Variants in KAT2A observed in about 807,000 individuals in gnomAD.
The protein encoded by KAT2A is histone acetyltransferase KAT2A.
KAT2A carries 42 observed loss-of-function variants against 95.2 expected under a neutral mutation model. The ratio of observed to expected loss-of-function variants is 0.44; its 90% confidence interval spans 0.34 to 0.57. KAT2A has a LOEUF of 0.57. Among genes scored for constraint, KAT2A ranks in the 20% least tolerant of loss-of-function variants. The pLI, the probability that KAT2A is intolerant of heterozygous loss-of-function variation, is 0.01. For missense variants in KAT2A, 784 were observed against 1,126.3 expected, an observed-to-expected ratio of 0.70 and a Z score of 4.35; for synonymous variants, 449 against 448.2, an observed-to-expected ratio of 1.00 and a Z score of -0.02.
chr17:42,116,906 G>T, intron 11 of KAT2A, 129 bp downstream of exon 11: 1 of 1,134,196 alleles, frequency 8.8e-7, no homozygotes, highest in Non-Finnish European at 1.3e-6. Flanking sequence ...TTGTGGGGAT[G>T]TGAGGAACGG....
intron 12 of KAT2A, among the ~76,000 whole-genome samples, 166 bp from the exon 13 acceptor site, chr17:42,115,201 C>T (rs1429812630): frequency 6.6e-6 from 1 of 152,106 alleles, no homozygotes; most frequent in African/African-American, 2.4e-5. Flanking sequence ...GGAAAGGTCC[C>T]AGGTCAGCTG....
At position 42,117,576 on chromosome 17, in the gene KAT2A, A is replaced by G. The variant is rs1190817219; in HGVS notation, c.1449T>C (p.Asn483=). The part of the protein sequence containing the change: ...LGPETSLLSA[N]AARDETARLE... ...GGCGGGCTGTCTCATCCCGGGCCGC[A>G]TTGGCCGAAAGCAGGCTCGTCTGGG... Residue 483 remains asparagine, a synonymous_variant, in exon 10 of 18, where the codon AAT becomes AAC. Coordinates refer to ENST00000225916, the MANE Select transcript of KAT2A (RefSeq NM_021078.3). This position sits in a 1 kb window ranked among gnomAD's most constrained non-coding sequence, Gnocchi z 8.9. 3.8e-5 allele frequency: 61 copies of G among 1,612,842 alleles called. No individual in the cohort carries two copies. Among genetic ancestry groups the G allele is most frequent in the African/African-American group, 5.3e-5 (4 of 74,900 alleles).
rs144813806 is a variant in KAT2A, at chr17:42,114,964, C to T, written c.1947G>A (p.Thr649=). 4.4e-4 allele frequency: 714 copies of T among 1,613,972 alleles called. 2 individuals are homozygous for T. In the African/African-American group the frequency reaches 7.6e-3, roughly 17 times the overall value. Residue 649 remains threonine, a synonymous_variant, in exon 13 of 18, where the codon ACG becomes ACA. Transcript: ENST00000225916. This position sits in a 1 kb window ranked among gnomAD's most constrained non-coding sequence, Gnocchi z 6.0. ...GGGGATTCAGCTCACACTCCATCAGCGTCGCTCCCTCGTAGTCCTTGATGT... is the reference window on the plus strand; with the variant it reads ...GGGGATTCAGCTCACACTCCATCAGTGTCGCTCCCTCGTAGTCCTTGATGT... ...LGYIKDYEGA[T]LMECELNPRI...
rs2054318273 is a variant in KAT2A, at chr17:42,120,347, T to C, written c.487A>G (p.Asn163Asp). 1 of 1,614,122 alleles carries C rather than the reference T, an allele frequency of 6.2e-7. No individual in the cohort carries two copies. Among genetic ancestry groups the C allele is most frequent in the Non-Finnish European group, 8.5e-7 (1 of 1,180,008 alleles). ...CGGTTTATCTCATCCTCTGACACATTCTCCAAGTGGGATACGTGGTCAGCT... is the reference window on the plus strand; with the variant it reads ...CGGTTTATCTCATCCTCTGACACATCCTCCAAGTGGGATACGTGGTCAGCT... ...PLADHVSHLE[N>D]VSEDEINRLL... Residue 163 changes from asparagine (N) to aspartate (D), a missense_variant, in exon 3 of 18, where the codon AAT (asparagine) becomes GAT (aspartate). Physicochemically the swap from Asn to Asp is conservative, Grantham distance 23. Transcript: ENST00000225916.
Position 42,114,375 on chromosome 17 carries a change from TG to T in KAT2A, c.2153del (p.Pro718HisfsTer10). 6.2e-7 allele frequency: 1 copy of T among 1,613,976 alleles called. No homozygotes were observed. ...VPGIRETGWK[P>X]LGKEKGKELK... The stretch of plus-strand genomic sequence containing the variant: ...ACACTCACCCCTTCTCCTTCCCCAA[TG>T]GCTTCCAGCCTGTCTCTCCTGCAAA... On this transcript the variant is annotated frameshift_variant, in exon 15 of 18. Transcript: ENST00000225916. LOFTEE classifies it high-confidence loss of function. This position sits in a 1 kb window ranked among gnomAD's most constrained non-coding sequence, Gnocchi z 6.0.
In KAT2A at chr17:42,114,489, C is replaced by A. The variant is rs782644461; in HGVS notation, c.2134+1G>T. On this transcript the variant is annotated splice_donor_variant, in intron 14 of 17. Transcript: ENST00000225916. LOFTEE classifies it high-confidence loss of function. This position sits in a 1 kb window ranked among gnomAD's most constrained non-coding sequence, Gnocchi z 6.0. Reference sequence around the variant, plus strand: ...ACCCTGCAACTGAGACCCCTGCTTACGAATGCCAGGAACGCTCTCCACAGG... The same window carrying A: ...ACCCTGCAACTGAGACCCCTGCTTAAGAATGCCAGGAACGCTCTCCACAGG... 6.2e-7 allele frequency: 1 copy of A among 1,613,974 alleles called. No individual in the cohort carries two copies. Among genetic ancestry groups the A allele is most frequent in the Non-Finnish European group, 8.5e-7 (1 of 1,179,828 alleles).
At position 42,115,819 on chromosome 17, in the gene KAT2A, G is replaced by T. The variant is rs782666160; in HGVS notation, c.1779C>A (p.His593Gln). ...GATACTCCTTCAGGTGGTTCATCAGGTGGGTCCCATAACCCTGCGGGGGAG... is the reference window on the plus strand; with the variant it reads ...GATACTCCTTCAGGTGGTTCATCAGTTGGGTCCCATAACCCTGCGGGGGAG... The part of the protein sequence containing the change: ...SNEQVKGYGT[H>Q]LMNHLKEYHI... Residue 593 changes from histidine to glutamine, a missense_variant, in exon 12 of 18, where the codon CAC becomes CAA. Coordinates refer to ENST00000225916, the MANE Select transcript of KAT2A (RefSeq NM_021078.3). 6.2e-7 allele frequency: 1 copy of T among 1,611,438 alleles called. No homozygotes were observed. The highest frequency in any genetic ancestry group is 8.5e-7 in the Non-Finnish European group (1 of 1,177,522).
Position 42,117,226 on chromosome 17 carries a change from G to T in KAT2A, c.1638-65C>A. On this transcript the variant is annotated intron_variant, in intron 10 of 17. Transcript: ENST00000225916. This position sits in a 1 kb window ranked among gnomAD's most constrained non-coding sequence, Gnocchi z 8.9. ...CCTTCAGGTCCCCAGAGCCCTGGAA[G>T]TCTGAGCTGTAGTCAGGGTTGGGCA... 6.2e-7 allele frequency: 1 copy of T among 1,601,096 alleles called. No homozygotes were observed.
At position 42,117,278 on chromosome 17, in the gene KAT2A, G is replaced by A. The variant is rs2054272798; in HGVS notation, c.1637+110C>T. ...TGAGAAGTAAGAATGCTCAAAGGAT[G>A]AACCTCAGAAGTGGGGAGCAGGGGA... On this transcript the variant is annotated intron_variant, in intron 10 of 17. Transcript: ENST00000225916. The surrounding 1 kb of genome is among the most constrained non-coding windows in gnomAD (Gnocchi z 8.9). The A allele has an allele frequency of 6.5e-7, 1 of 1,549,862 alleles. No individual in the cohort carries two copies.
chr17:42,115,048 T>C lies in KAT2A; in HGVS notation c.1876-13A>G. 6.2e-7 allele frequency: 1 copy of C among 1,613,072 alleles called. No homozygotes were observed. Among genetic ancestry groups the C allele is most frequent in the South Asian group, 1.1e-5 (1 of 91,062 alleles). ...CCTTGGAGAAACCCTGGGGGGTGGA[T>C]GGTCATGACCCAGTCCATCCATAAG... On this transcript the variant is annotated splice_polypyrimidine_tract_variant and intron_variant, in intron 12 of 17. Transcript: ENST00000225916.
At chr17:42,115,692 A>G in intron 12 of KAT2A, 31 bp downstream of exon 12, 1 of 1,387,542 alleles carries the variant, frequency 7.2e-7, no homozygotes, top group Non-Finnish European at 1.0e-6. Flanking sequence ...CTCCAGGCAA[A>G]GGACCGGTGT....
At chr17:42,116,071 G>A (rs953921830) in intron 11 of KAT2A, among the ~76,000 whole-genome samples, 6 of 152,220 alleles carry the variant, frequency 3.9e-5, no homozygotes, top group African/African-American at 1.2e-4. Context: ...TTTACAGACC[G>A]ATTCTCAAAT....
chr17:42,114,329 A>AC lies in KAT2A; in HGVS notation c.2171+28dup, dbSNP rs1251456634. The AC allele has an allele frequency of 6.2e-7, 1 of 1,612,748 alleles. No homozygotes were observed. The highest frequency in any genetic ancestry group is 8.5e-7 in the Non-Finnish European group (1 of 1,179,652). ...CTGAGGCTCCAAGTCCCTCTGCCCC[A>AC]CCCCCAACCCGGCTCCTTTGACACT... is the stretch of plus-strand genomic sequence containing the variant. On this transcript the variant is annotated intron_variant, in intron 15 of 17. Coordinates refer to ENST00000225916, the MANE Select transcript of KAT2A (RefSeq NM_021078.3). This position sits in a 1 kb window ranked among gnomAD's most constrained non-coding sequence, Gnocchi z 6.0.
intron 11 of KAT2A, among the ~76,000 whole-genome samples, chr17:42,116,252 G>A (rs1337841833): frequency 6.6e-6 from 1 of 152,226 alleles, no homozygotes; most frequent in Non-Finnish European, 1.5e-5. Context: ...GGAGAAGCGG[G>A]AGAGGGAGTC....
intron 6 of KAT2A, 136 bp from the exon 7 acceptor site, chr17:42,118,539 CCT>C (rs1440551495): frequency 9.3e-6 from 6 of 643,944 alleles, no homozygotes; most frequent in South Asian, 3.5e-5. Flanking sequence ...GGGGACAGCC[CCT>C]GTCTTCTGGG....
chr17:42,121,278 G>A lies in KAT2A; in HGVS notation c.27C>T (p.Thr9=). The A allele has an allele frequency of 7.3e-7, 1 of 1,375,254 alleles. No homozygotes were observed. Among genetic ancestry groups the A allele is most frequent in the South Asian group, 1.7e-5 (1 of 59,966 alleles). The allele number at this position is 1,375,254 out of a possible 1,614,324, so 85.2% of individuals were successfully genotyped here. The change falls in exon 1 of 18, where the codon ACC becomes ACT. Residue 9 remains threonine, a synonymous_variant. Coordinates refer to ENST00000225916, the MANE Select transcript of KAT2A (RefSeq NM_021078.3). MAEPSQAP[T]PAPAAQPRPL... ...GCCGGGGCTGCGCAGCCGGGGCCGG[G>A]GTCGGGGCCTGGGAAGGTTCCGCCA...
chr17:42,120,440 C>T, intron 2 of KAT2A, 70 bp from the exon 3 acceptor site: 2 of 1,521,476 alleles, frequency 1.3e-6, no homozygotes, highest in Non-Finnish European at 9.1e-7. Context: ...ACCCTCTTCA[C>T]AGCCAAGCAA....
chr17:42,117,542 G>A lies in KAT2A; in HGVS notation c.1483C>T (p.Arg495Cys). 9.9e-6 allele frequency: 16 copies of A among 1,613,364 alleles called. No individual in the cohort carries two copies. Among genetic ancestry groups the A allele is most frequent in the East Asian group, 2.2e-5 (1 of 44,880 alleles). Residue 495 changes from arginine (R) to cysteine (C), a missense_variant, in exon 10 of 18, where the codon CGC becomes TGC. Physicochemically the swap from Arg to Cys is radical, Grantham distance 180. Around this residue, in one of 6 missense-constraint regions of KAT2A, gnomAD observed 174 missense variants for 324.9 expected, o/e 0.54. Coordinates refer to ENST00000225916, the MANE Select transcript of KAT2A (RefSeq NM_021078.3). The surrounding 1 kb of genome is among the most constrained non-coding windows in gnomAD (Gnocchi z 8.9). ...ARDETARLEE[R>C]RGIIEFHVIG... The stretch of plus-strand genomic sequence containing the variant: ...ACATGGAACTCGATGATGCCGCGGC[G>A]CTCCTCCAGGCGGGCTGTCTCATCC...
chr17:42,115,093 T>C lies in KAT2A; in HGVS notation c.1876-58A>G. 8 of 1,574,648 alleles carry C rather than the reference T, an allele frequency of 5.1e-6. No homozygotes were observed. In the South Asian group the frequency reaches 9.2e-5, roughly 18 times the overall value. ...CATAAGTATTTCCCAACTTCTGTCGTCCCTCACCTGGGAGCACCAGAGGAG... is the reference window on the plus strand; with the variant it reads ...CATAAGTATTTCCCAACTTCTGTCGCCCCTCACCTGGGAGCACCAGAGGAG... On this transcript the variant is annotated intron_variant, in intron 12 of 17. Coordinates refer to ENST00000225916, the MANE Select transcript of KAT2A (RefSeq NM_021078.3).
Sources: allele counts gnomAD v4.1 joint callset (sites outside exome capture counted in the v4.1 genomes callset), GRCh38; gene constraint gnomAD v4.1.1; regional missense constraint gnomAD v4.1.1; non-coding constraint Gnocchi (gnomAD v3.1); transcripts MANE v1.5; gene names NCBI Gene and HGNC (gene_info 2026-07-23, HGNC 2026-07-21).